The following SEPTIN9 variants were observed in gnomAD, a reference collection of about 807,000 sequenced individuals.
SEPTIN9 encodes the protein septin-9.
A neutral mutation model predicts 56.6 loss-of-function variants in SEPTIN9; 13 were observed. That is an observed-to-expected ratio of 0.23 (90% CI 0.15 to 0.37). The LOEUF (loss-of-function observed/expected upper bound fraction) is 0.37, where lower values mean the gene tolerates loss of function less well. Ranked by LOEUF, SEPTIN9 falls within the 10% of genes least tolerant of loss-of-function variation. The pLI, the probability that SEPTIN9 is intolerant of heterozygous loss-of-function variation, is 1.00. For synonymous variants in SEPTIN9, 332 were observed against 334.1 expected, an observed-to-expected ratio of 0.99 and a Z score of 0.07; for missense variants, 650 against 823.1, an observed-to-expected ratio of 0.79 and a Z score of 2.57.
At chr17:77,307,644 T>C (rs1044932354) in intron 2 of SEPTIN9, among the ~76,000 whole-genome samples, 1 of 152,060 alleles carries the variant, frequency 6.6e-6, no homozygotes, top group African/African-American at 2.4e-5. Flanking sequence ...CGTCCGGTGT[T>C]ATCTAGGAGG....
intron 1 of SEPTIN9, among the ~76,000 whole-genome samples, chr17:77,291,592 A>G (rs1661919887): frequency 6.6e-6 from 1 of 152,044 alleles, no homozygotes; most frequent in East Asian, 2.0e-4. Context: ...AGATCGTGCC[A>G]CGGCACTCCA....
intron 2 of SEPTIN9, among the ~76,000 whole-genome samples, chr17:77,343,385 A>C (rs1274232912): frequency 2.0e-5 from 3 of 152,212 alleles, no homozygotes; most frequent in African/African-American, 7.2e-5. Context: ...AGGTGCTGGG[A>C]GGGCAGTGTA....
intron 2 of SEPTIN9, among the ~76,000 whole-genome samples, chr17:77,370,624 G>A (rs1255015085): frequency 2.0e-5 from 3 of 152,218 alleles, no homozygotes; most frequent in Non-Finnish European, 2.9e-5. Context: ...TTTTGTGACC[G>A]TGGAAGAATG....
intron 1 of SEPTIN9, among the ~76,000 whole-genome samples, chr17:77,297,458 G>A (rs1377796257): frequency 2.0e-5 from 3 of 152,154 alleles, no homozygotes. Context: ...CACCCTCACA[G>A]ACACACCCAG....
chr17:77,396,527 G>C (rs570490055), intron 2 of SEPTIN9, among the ~76,000 whole-genome samples: 22 of 152,272 alleles, frequency 1.4e-4, no homozygotes, highest in African/African-American at 5.3e-4. Flanking sequence ...CCCCTGGGCA[G>C]GTTATGCCGG....
In SEPTIN9 at chr17:77,436,406, G is replaced by T. The variant is rs1022398067; in HGVS notation, c.721+33703G>T. On this transcript the variant is annotated intron_variant, in intron 3 of 11. Coordinates refer to ENST00000427177, the MANE Select transcript of SEPTIN9 (RefSeq NM_001113491.2). The surrounding 1 kb of genome is among the most constrained non-coding windows in gnomAD (Gnocchi z 4.4). ...GTTTCCAATAAGCAGAGGATGGAGTGAATGTGAGATTCATTACTGGGATTT... is the reference window on the plus strand; with the variant it reads ...GTTTCCAATAAGCAGAGGATGGAGTTAATGTGAGATTCATTACTGGGATTT... Among the ~76,000 whole-genome samples the T allele has an allele frequency of 6.6e-5, 10 of 152,094 alleles. No individual in the cohort carries two copies. Among genetic ancestry groups the T allele is most frequent in the African/African-American group, 2.4e-4 (10 of 41,406 alleles).
chr17:77,348,982 A>G (rs539684753), intron 2 of SEPTIN9, among the ~76,000 whole-genome samples: 2 of 152,136 alleles, frequency 1.3e-5, no homozygotes, highest in African/African-American at 2.4e-5. Context: ...CTCATTTCCC[A>G]TGATCTTGGA....
At chr17:77,414,572 C>CTT (rs559525322) in intron 3 of SEPTIN9, among the ~76,000 whole-genome samples, 512 of 123,758 alleles carry the variant, frequency 4.1e-3, no homozygotes, top group East Asian at 0.01. Flanking sequence ...TGTGTGGATT[C>CTT]TTTTTTTTTT....
intron 6 of SEPTIN9, 99 bp from the exon 7 acceptor site, chr17:77,488,628 T>C (rs2143355648): frequency 9.9e-6 from 15 of 1,519,708 alleles, no homozygotes; most frequent in South Asian, 6.9e-5. Context: ...ATGCATTTCA[T>C]TGGAAGGTGG....
intron 2 of SEPTIN9, among the ~76,000 whole-genome samples, chr17:77,395,838 T>C (rs77768565): frequency 0.033 from 4,976 of 152,354 alleles, 282 homozygotes; most frequent in African/African-American, 0.11. Context: ...CTTTGACATA[T>C]GGGTTTAGAA....
Position 77,314,341 on chromosome 17 carries a change from CTTTTTTTTTTTTT to C in SEPTIN9, c.76+7155_76+7167del, listed in dbSNP as rs33986509. 9.3e-3 allele frequency among the ~76,000 whole-genome samples: 630 copies of C among 68,016 alleles called. 9 individuals carry two copies. The highest frequency in any genetic ancestry group is 8.7e-3 in the Non-Finnish European group (330 of 37,744). The allele number at this position is 68,016 out of a possible 152,430, so 44.6% of individuals were successfully genotyped here. On this transcript the variant is annotated intron_variant, in intron 2 of 11. Transcript: ENST00000427177. ...ACAGGCATGAGCCACTGTGCCTGGA[CTTTTTTTTTTTTT>C]TTTTTTTTTTGTAGAGATGGGATTT...
At chr17:77,281,900 G>T in intron 1 of SEPTIN9, 1 of 334,210 alleles carries the variant, frequency 3.0e-6, no homozygotes, top group Non-Finnish European at 5.5e-6. Context: ...ATGGGGTCGG[G>T]GCTAGGTGGA....
intron 3 of SEPTIN9, among the ~76,000 whole-genome samples, chr17:77,430,801 GT>G (rs1244021263): frequency 1.3e-5 from 2 of 152,080 alleles, no homozygotes; most frequent in African/African-American, 4.8e-5. Context: ...GACCAGGCTG[GT>G]CAACATGGCG....
At chr17:77,341,437 A>C (rs1264967854) in intron 2 of SEPTIN9, among the ~76,000 whole-genome samples, 1 of 152,216 alleles carries the variant, frequency 6.6e-6, no homozygotes, top group African/African-American at 2.4e-5. Flanking sequence ...TCTTATCTGG[A>C]TGTGGCTCGT....
chr17:77,446,354 C>T (rs1273461387), intron 3 of SEPTIN9: 2 of 161,990 alleles, frequency 1.2e-5, no homozygotes, highest in Non-Finnish European at 2.9e-5. Context: ...TCAGATCTCC[C>T]TCTGCCTTCC....
At chr17:77,486,774 T>C (rs1402104376) in intron 4 of SEPTIN9, among the ~76,000 whole-genome samples, 2 of 152,180 alleles carry the variant, frequency 1.3e-5, no homozygotes, top group Non-Finnish European at 2.9e-5. Context: ...ACACGGTCAC[T>C]GTCCCTCGAG....
chr17:77,474,866 C>T (rs919245112), intron 3 of SEPTIN9, among the ~76,000 whole-genome samples: 3 of 152,098 alleles, frequency 2.0e-5, no homozygotes, highest in Admixed American at 6.6e-5. Context: ...TCCTGAGCAG[C>T]GTTTAGAGTA....
rs2037797702 is a variant in SEPTIN9, at chr17:77,447,762, C to CT, written c.722-34381dup. Among the ~76,000 whole-genome samples, 2 of 152,228 alleles carry CT rather than the reference C, an allele frequency of 1.3e-5. 1 individual carries two copies. Among genetic ancestry groups the CT allele is most frequent in the South Asian group, 4.1e-4 (2 of 4,836 alleles). ...GCCTCAACCTCCTGAGTGGCTGGGA[C>CT]TACAGGCACACACTACCACGCCTGG... On this transcript the variant is annotated intron_variant, in intron 3 of 11. Coordinates refer to ENST00000427177, the MANE Select transcript of SEPTIN9 (RefSeq NM_001113491.2).
Position 77,400,070 on chromosome 17 carries a change from G to A in SEPTIN9, c.77-1989G>A, listed in dbSNP as rs1270828723. Among the ~76,000 whole-genome samples the A allele has an allele frequency of 6.6e-6, 1 of 152,126 alleles. No individual in the cohort carries two copies. Among genetic ancestry groups the A allele is most frequent in the Admixed American group, 6.5e-5 (1 of 15,268 alleles). ...CTCAGCTCTGCAACCTCTGCCTCCC[G>A]GGTTCAAGCGATTCTCCTGCCTCAG... On this transcript the variant is annotated intron_variant, in intron 2 of 11. Coordinates refer to ENST00000427177, the MANE Select transcript of SEPTIN9 (RefSeq NM_001113491.2). This position sits in a 1 kb window ranked among gnomAD's most constrained non-coding sequence, Gnocchi z 4.1.
Sources: gnomAD v4.1 joint callset for allele counts (sites outside exome capture counted in the v4.1 genomes callset) on GRCh38, gnomAD v4.1.1 for gene constraint, Gnocchi (gnomAD v3.1) non-coding constraint, MANE v1.5 for transcripts, NCBI Gene and HGNC (gene_info 2026-07-23, HGNC 2026-07-21) for gene names.